Variants in GPC5 observed in about 807,000 individuals in gnomAD.
GPC5 encodes the protein glypican 5.
A neutral mutation model predicts 53.9 loss-of-function variants in GPC5; 47 were observed. The observed-to-expected ratio is 0.87, with a 90% confidence interval of 0.69 to 1.11. GPC5 has a LOEUF of 1.11. GPC5 is among the 50% of genes most tolerant of loss of function. The pLI, the probability that GPC5 is intolerant of heterozygous loss-of-function variation, is 0.00. For synonymous variants in GPC5, 286 were observed against 263.3 expected, an observed-to-expected ratio of 1.09 and a Z score of -0.84; for missense variants, 748 against 713.1, an observed-to-expected ratio of 1.05 and a Z score of -0.56.
intron 1 of GPC5, among the ~76,000 whole-genome samples, chr13:91,432,184 A>ACTGCTGCTGCTGCTG (rs1260967783): frequency 3.9e-5 from 5 of 129,214 alleles, no homozygotes; most frequent in African/African-American, 1.6e-4. Context: ...TGCTGCTTCC[A>ACTGCTGCTGCTGCTG]CTGCTGCTGC....
At position 92,713,205 on chromosome 13, in the gene GPC5, G is replaced by T. The variant is rs149103356; in HGVS notation, c.1562-153077G>T. Among the ~76,000 whole-genome samples, 202 of 152,138 alleles carry T rather than the reference G, an allele frequency of 1.3e-3. 4 individuals carry two copies. Among genetic ancestry groups the T allele is most frequent in the African/African-American group, 4.7e-3 (196 of 41,532 alleles). The stretch of plus-strand genomic sequence containing the variant: ...TGGACTAGTATCAAGAATATATAAA[G>T]AACTCGAAAGAAAAATCCAGTGAGA... On this transcript the variant is annotated intron_variant, in intron 7 of 7. Transcript: ENST00000377067.
intron 7 of GPC5, among the ~76,000 whole-genome samples, chr13:92,419,789 G>C (rs1876480043): frequency 6.6e-6 from 1 of 152,120 alleles, no homozygotes; most frequent in Non-Finnish European, 1.5e-5. Context: ...AAAACTGAGG[G>C]ATCCCACTCA....
intron 7 of GPC5, among the ~76,000 whole-genome samples, chr13:92,757,881 G>A (rs983234462): frequency 5.3e-5 from 8 of 151,306 alleles, no homozygotes; most frequent in African/African-American, 1.9e-4. Flanking sequence ...TACACTGTTG[G>A]TGGGACTGTA....
At chr13:92,818,424 A>G (rs1320320251) in intron 7 of GPC5, among the ~76,000 whole-genome samples, 1 of 152,052 alleles carries the variant, frequency 6.6e-6, no homozygotes, top group Admixed American at 6.5e-5. Context: ...TCTAAGTAAA[A>G]AGAGGATAAG....
At chr13:91,771,694 A>G (rs2037627888) in intron 5 of GPC5, among the ~76,000 whole-genome samples, 1 of 152,140 alleles carries the variant, frequency 6.6e-6, no homozygotes, top group South Asian at 2.1e-4. Context: ...TGCTTCCGTA[A>G]TTTTTTTACC....
At chr13:92,822,934 A>G (rs1291193599) in intron 7 of GPC5, among the ~76,000 whole-genome samples, 1 of 151,980 alleles carries the variant, frequency 6.6e-6, no homozygotes, top group African/African-American at 2.4e-5. Context: ...ACTTGAAGGG[A>G]AGTTGGATTC....
rs1174018966 is a variant in GPC5, at chr13:91,861,720, G to GTTGC, written c.1281-46215_1281-46212dup. Among the ~76,000 whole-genome samples, 4 of 147,634 alleles carry GTTGC rather than the reference G, an allele frequency of 2.7e-5. 1 individual carries two copies. The Admixed American group carries it at 2.8e-4, about 10-fold the overall frequency. On this transcript the variant is annotated intron_variant, in intron 5 of 7. Coordinates refer to ENST00000377067, the MANE Select transcript of GPC5 (RefSeq NM_004466.6). ...TTCATAAATATGTTAAATAAAACAT[G>GTTGC]TTGCTACTTTTTAAAACTGTACAAT...
chr13:92,158,571 C>A (rs1373890484), intron 7 of GPC5, among the ~76,000 whole-genome samples: 1 of 151,818 alleles, frequency 6.6e-6, no homozygotes, highest in Non-Finnish European at 1.5e-5. Flanking sequence ...CAGGAGTCAT[C>A]TTGTGTTCCT....
At chr13:92,335,920 CTAT>C (rs1265814838) in intron 7 of GPC5, among the ~76,000 whole-genome samples, 7 of 152,182 alleles carry the variant, frequency 4.6e-5, no homozygotes, top group African/African-American at 1.7e-4. Context: ...CTCCAAGTCT[CTAT>C]GAAGTTCCAA....
chr13:92,839,013 C>A (rs1035349909), intron 7 of GPC5, among the ~76,000 whole-genome samples: 5 of 152,196 alleles, frequency 3.3e-5, no homozygotes, highest in African/African-American at 1.2e-4. Flanking sequence ...CACCAGAACA[C>A]AAAATATTTG....
At chr13:91,564,705 A>C (rs1056048609) in intron 2 of GPC5, among the ~76,000 whole-genome samples, 1 of 152,142 alleles carries the variant, frequency 6.6e-6, no homozygotes, top group African/African-American at 2.4e-5. Flanking sequence ...ATGGGTGTAA[A>C]TGGAGATAAA....
chr13:92,646,930 A>ATGTGTGTGTGTGTGTG (rs753380099), intron 7 of GPC5, among the ~76,000 whole-genome samples: 72 of 146,584 alleles, frequency 4.9e-4, no homozygotes, highest in Non-Finnish European at 8.6e-4. Context: ...ATATATAAAC[A>ATGTGTGTGTGTGTGTG]TGTGTGTGTG....
intron 7 of GPC5, among the ~76,000 whole-genome samples, chr13:92,167,817 G>C (rs2042042438): frequency 6.6e-6 from 1 of 151,298 alleles, no homozygotes; most frequent in Admixed American, 6.6e-5. Context: ...GGACTTTGTA[G>C]CTCAATTTAA....
chr13:92,654,335 A>G (rs1566344657), intron 7 of GPC5, among the ~76,000 whole-genome samples: 1 of 152,312 alleles, frequency 6.6e-6, no homozygotes, highest in East Asian at 1.9e-4. Flanking sequence ...AGCAATAAAA[A>G]TGGTTTTCCA....
intron 7 of GPC5, among the ~76,000 whole-genome samples, chr13:92,666,525 T>C (rs1247645113): frequency 6.6e-6 from 1 of 152,184 alleles, no homozygotes; most frequent in East Asian, 1.9e-4. Flanking sequence ...ATAATCAATA[T>C]GTTTATACAT....
chr13:92,204,539 A>G (rs533005637), intron 7 of GPC5, among the ~76,000 whole-genome samples: 2 of 152,310 alleles, frequency 1.3e-5, no homozygotes, highest in South Asian at 4.1e-4. Flanking sequence ...GGAAAAGTCC[A>G]CACAACACTA....
At chr13:91,505,475 G>A (rs1329430408) in intron 2 of GPC5, among the ~76,000 whole-genome samples, 1 of 152,150 alleles carries the variant, frequency 6.6e-6, no homozygotes, top group African/African-American at 2.4e-5. Flanking sequence ...GTGGGGACAT[G>A]ATGTGACTTT....
chr13:92,287,271 G>A (rs2042962602), intron 7 of GPC5, among the ~76,000 whole-genome samples: 1 of 152,078 alleles, frequency 6.6e-6, no homozygotes, highest in African/African-American at 2.4e-5. Flanking sequence ...TTGTTTTATG[G>A]ATAAACATAT....
At chr13:91,550,500 T>C (rs759254624) in intron 2 of GPC5, among the ~76,000 whole-genome samples, 4 of 152,120 alleles carry the variant, frequency 2.6e-5, no homozygotes, top group Non-Finnish European at 5.9e-5. Flanking sequence ...TGCTAAATTT[T>C]GCTGTGAACC....
Sources: gnomAD v4.1 joint callset for allele counts (sites outside exome capture counted in the v4.1 genomes callset) on GRCh38, gnomAD v4.1.1 for gene constraint, MANE v1.5 for transcripts, NCBI Gene and HGNC (gene_info 2026-07-23, HGNC 2026-07-21) for gene names.